The following FAM124B variants were observed in gnomAD, a reference collection of about 807,000 sequenced individuals.
FAM124B encodes the protein family with sequence similarity 124 member B.
A neutral mutation model predicts 19.7 loss-of-function variants in FAM124B; 18 were observed. The observed-to-expected ratio is 0.92, with a 90% CI of 0.63 to 1.36. The LOEUF (loss-of-function observed/expected upper bound fraction) is 1.36, where lower values mean the gene tolerates loss of function less well. Among genes scored for constraint, FAM124B ranks in the 40% most tolerant of loss-of-function variants. The pLI is 0.00. For missense variants in FAM124B, 540 were observed against 553.3 expected, an observed-to-expected ratio of 0.98 and a Z score of 0.24; for synonymous variants, 223 against 225.2, an observed-to-expected ratio of 0.99 and a Z score of 0.09.
intron 1 of FAM124B, among the ~76,000 whole-genome samples, chr2:224,393,108 A>C (rs6743177): frequency 0.23 from 34,825 of 152,098 alleles, 4,330 homozygotes; most frequent in African/African-American, 0.32. Context: ...AAATGGGTCT[A>C]CATTGAGAGC....
chr2:224,398,594 G>A (rs1690013310), intron 1 of FAM124B, among the ~76,000 whole-genome samples: 1 of 152,188 alleles, frequency 6.6e-6, no homozygotes, highest in African/African-American at 2.4e-5. Flanking sequence ...GACTTAACAA[G>A]AGGAGATCAA....
Position 224,401,500 on chromosome 2 carries a change from T to C in FAM124B, c.269A>G (p.Gln90Arg). 6.2e-7 allele frequency: 1 copy of C among 1,614,112 alleles called. No individual in the cohort carries two copies. Among genetic ancestry groups the C allele is most frequent in the Non-Finnish European group, 8.5e-7 (1 of 1,180,010 alleles). The change falls in exon 1 of 2, where the codon CAG becomes CGG. Residue 90 changes from glutamine to arginine, a missense_variant. Coordinates refer to ENST00000409685, the MANE Select transcript of FAM124B (RefSeq NM_001122779.2). ...GGGGTAGCACTGCCATGGCGAATGC[T>C]GGAGAGAGTCCAGGACGCGAAATAG... is the stretch of plus-strand genomic sequence containing the variant. ...DRLFRVLDSL[Q>R]HSPWQCYPTQ...
intron 1 of FAM124B, among the ~76,000 whole-genome samples, chr2:224,383,203 G>C (rs560618136): frequency 6.6e-6 from 1 of 152,258 alleles, no homozygotes; most frequent in South Asian, 2.1e-4. Context: ...GAGTACACCT[G>C]GCTGTCAGAG....
intron 1 of FAM124B, among the ~76,000 whole-genome samples, chr2:224,396,771 T>C (rs1057488490): frequency 6.6e-6 from 1 of 152,230 alleles, no homozygotes; most frequent in African/African-American, 2.4e-5. Context: ...TTGGTCTAAC[T>C]GAAGTCCAGA....
chr2:224,381,100 C>T (rs1689705887), intron 1 of FAM124B, among the ~76,000 whole-genome samples: 4 of 152,094 alleles, frequency 2.6e-5, no homozygotes, highest in Non-Finnish European at 5.9e-5. Context: ...AGGATCCATC[C>T]CTACCTGGCC....
chr2:224,390,114 T>TAC (rs59825011), intron 1 of FAM124B, among the ~76,000 whole-genome samples: 10,679 of 131,616 alleles, frequency 0.081, 389 homozygotes, highest in African/African-American at 0.093. Context: ...GTCTTTGAAA[T>TAC]ACACACACAC....
chr2:224,383,790 G>A (rs1689761122), intron 1 of FAM124B, among the ~76,000 whole-genome samples: 1 of 152,086 alleles, frequency 6.6e-6, no homozygotes, highest in Non-Finnish European at 1.5e-5. Context: ...ATTGCCTCTT[G>A]GAGAATCATT....
At chr2:224,387,095 T>A (rs943933856) in intron 1 of FAM124B, among the ~76,000 whole-genome samples, 37 of 152,226 alleles carry the variant, frequency 2.4e-4, no homozygotes, top group African/African-American at 7.0e-4. Context: ...AGGAGAAACA[T>A]AATGCTGAGT....
rs1405053841 is a variant in FAM124B at position 224,391,983 on chromosome 2, A to C, written c.732+9054T>G. ...AAATATTTTTGGAACTTTTTTTAGC[A>C]ATCTGACTTTGAGAGTCAGTATAGT... is the stretch of plus-strand genomic sequence containing the variant. On this transcript the variant is annotated intron_variant, in intron 1 of 1. Transcript: ENST00000409685. Among the ~76,000 whole-genome samples, 4 of 152,238 alleles carry C rather than the reference A, an allele frequency of 2.6e-5. No homozygotes were observed. In the East Asian group the frequency reaches 7.7e-4, roughly 29 times the overall value.
chr2:224,390,764 G>C (rs995933425), intron 1 of FAM124B, among the ~76,000 whole-genome samples: 1 of 150,090 alleles, frequency 6.7e-6, no homozygotes, highest in Admixed American at 6.6e-5. Context: ...GCAGTGGCGC[G>C]ATCTCGGCCC....
At chr2:224,394,555 A>G (rs910985310) in intron 1 of FAM124B, among the ~76,000 whole-genome samples, 2 of 151,954 alleles carry the variant, frequency 1.3e-5, no homozygotes, top group African/African-American at 2.4e-5. Flanking sequence ...CCCCCTTCCA[A>G]CCTGTCCTAT....
chr2:224,401,845 G>C lies in FAM124B; in HGVS notation c.-77C>G, dbSNP rs947070025. On this transcript the variant is annotated 5_prime_UTR_variant, in exon 1 of 2. Transcript: ENST00000409685. Reference sequence around the variant, plus strand: ...TCAAGTTTCTGAAATGAATGAAGAAGCGGCCCAGCCTTCAGCCCGCCTGAA... The same window carrying C: ...TCAAGTTTCTGAAATGAATGAAGAACCGGCCCAGCCTTCAGCCCGCCTGAA... 2.0e-6 allele frequency: 3 copies of C among 1,514,078 alleles called. No individual in the cohort carries two copies. The African/African-American group carries it at 4.2e-5, about 21-fold the overall frequency. 93.8% of individuals were successfully genotyped at this position (1,514,078 alleles called of 1,614,324 possible).
At chr2:224,382,708 A>G (rs1358653534) in intron 1 of FAM124B, among the ~76,000 whole-genome samples, 1 of 152,034 alleles carries the variant, frequency 6.6e-6, no homozygotes, top group African/African-American at 2.4e-5. Flanking sequence ...TCTCTATCTT[A>G]AGAAGTTTTT....
In FAM124B at chr2:224,385,864, C is replaced by T. The variant is rs146399379; in HGVS notation, c.733-5656G>A. Among the ~76,000 whole-genome samples, 220 of 152,304 alleles carry T rather than the reference C, an allele frequency of 1.4e-3. 1 individual carries two copies. The highest frequency in any genetic ancestry group is 5.0e-3 in the African/African-American group (209 of 41,550). ...GATCGCTGACATTCCACTCTCTCTG[C>T]TCCCACTGTCATTCACCCTGGAGCA... On this transcript the variant is annotated intron_variant, in intron 1 of 1. Coordinates refer to ENST00000409685, the MANE Select transcript of FAM124B (RefSeq NM_001122779.2).
chr2:224,396,983 A>G (rs1574576823), intron 1 of FAM124B, among the ~76,000 whole-genome samples: 1 of 152,150 alleles, frequency 6.6e-6, no homozygotes, highest in African/African-American at 2.4e-5. Flanking sequence ...CAGACTCGCT[A>G]CCCAGCCCCT....
At position 224,401,729 on chromosome 2, in the gene FAM124B, G is replaced by A; in HGVS notation, c.40C>T (p.Leu14Phe). 6.2e-7 allele frequency: 1 copy of A among 1,614,102 alleles called. No individual in the cohort carries two copies. The highest frequency in any genetic ancestry group is 8.5e-7 in the Non-Finnish European group (1 of 1,180,048). The change falls in exon 1 of 2, where the codon CTT (leucine) becomes TTT (phenylalanine). Residue 14 changes from leucine to phenylalanine, a missense_variant. Transcript: ENST00000409685. ...GAGCCGTGCCCAGAGTTGGCAAGAAGATGGACAGTCATGGCCAGAGGCCCC... is the reference window on the plus strand; with the variant it reads ...GAGCCGTGCCCAGAGTTGGCAAGAAAATGGACAGTCATGGCCAGAGGCCCC... ...TQGPLAMTVH[L>F]LANSGHGSLL...
Position 224,379,917 on chromosome 2 carries a change from C to G in FAM124B, c.1024G>C (p.Gly342Arg), listed in dbSNP as rs961823766. The G allele has an allele frequency of 1.3e-6, 2 of 1,551,728 alleles. No individual in the cohort carries two copies. Among genetic ancestry groups the G allele is most frequent in the Admixed American group, 3.9e-5 (2 of 50,980 alleles). The change falls in exon 2 of 2, where the codon GGG (glycine) becomes CGG (arginine). Residue 342 changes from glycine to arginine, a missense_variant. Physicochemically the swap from Gly to Arg is moderately radical, Grantham distance 125. Transcript: ENST00000409685. ...LHLSSHHLESGARMKVLNREN... is the reference protein window; with the variant it reads ...LHLSSHHLESRARMKVLNREN... ...CGGTTGAGGACCTTCATTCTGGCCC[C>G]GGATTCAAGGTGATGAGAAGACAGG...
chr2:224,380,439 A>G (rs930179860), intron 1 of FAM124B, among the ~76,000 whole-genome samples: 10 of 152,200 alleles, frequency 6.6e-5, no homozygotes, highest in Non-Finnish European at 1.5e-5. Context: ...TGACAAGGGT[A>G]AGACTTTGGG....
At chr2:224,388,849 T>G (rs1314194879) in intron 1 of FAM124B, among the ~76,000 whole-genome samples, 1 of 152,150 alleles carries the variant, frequency 6.6e-6, no homozygotes, top group East Asian at 1.9e-4. Context: ...AAAGCAAAGG[T>G]GTGGGAGTGA....
Sources: allele counts gnomAD v4.1 joint callset (sites outside exome capture counted in the v4.1 genomes callset), GRCh38; gene constraint gnomAD v4.1.1; transcripts MANE v1.5; gene names NCBI Gene and HGNC (gene_info 2026-07-23, HGNC 2026-07-21).